SNX25: variants seen among roughly 807,000 people sequenced by gnomAD.
SNX25 encodes the protein sorting nexin-25.
Under a neutral mutation model 113.7 loss-of-function variants are expected in SNX25, and 62 were observed. The observed-to-expected ratio is 0.55, with a 90% CI of 0.44 to 0.67. The LOEUF (loss-of-function observed/expected upper bound fraction) is 0.67. Ranked by LOEUF, SNX25 falls within the 30% of genes least tolerant of loss-of-function variation. The pLI is 0.00. For missense variants in SNX25, 1,014 were observed against 1,161.0 expected, an observed-to-expected ratio of 0.87 and a Z score of 1.84; for synonymous variants, 421 against 436.2, an observed-to-expected ratio of 0.97 and a Z score of 0.43.
chr4:185,266,885 A>G, intron 4 of SNX25, 84 bp from the exon 5 acceptor site: 1 of 1,360,560 alleles, frequency 7.3e-7, no homozygotes, highest in Non-Finnish European at 1.0e-6. Flanking sequence ...TGTTTCCCAA[A>G]TGTAGTCTCA....
chr4:185,302,830 C>T (rs1753904204), intron 6 of SNX25, among the ~76,000 whole-genome samples: 1 of 152,190 alleles, frequency 6.6e-6, no homozygotes, highest in Admixed American at 6.5e-5. Context: ...CCTCCCTGCC[C>T]AGTCCTTGAA....
At chr4:185,240,565 C>T (rs549555223) in intron 1 of SNX25, among the ~76,000 whole-genome samples, 1 of 148,886 alleles carries the variant, frequency 6.7e-6, no homozygotes, top group Admixed American at 6.7e-5. Flanking sequence ...GCTGGCCGGG[C>T]AGAGGGGCTC....
At position 185,266,959 on chromosome 4, in the gene SNX25, C is replaced by G. The variant is rs770044011; in HGVS notation, c.905-10C>G. 9 of 1,605,376 alleles carry G rather than the reference C, an allele frequency of 5.6e-6. No homozygotes were observed. The highest frequency in any genetic ancestry group is 7.7e-6 in the Non-Finnish European group (9 of 1,176,066). ...CCTTTCTCAGTGGCTATTTCTTCTTCTTCCTGTAGTCTTGAAGCCGGTAGT... is the reference window on the plus strand; with the variant it reads ...CCTTTCTCAGTGGCTATTTCTTCTTGTTCCTGTAGTCTTGAAGCCGGTAGT... On this transcript the variant is annotated splice_polypyrimidine_tract_variant and intron_variant, in intron 4 of 18. Coordinates refer to ENST00000652585, the MANE Select transcript of SNX25 (RefSeq NM_001378034.2).
chr4:185,307,342 C>T (rs189079445), intron 6 of SNX25, among the ~76,000 whole-genome samples: 50 of 152,290 alleles, frequency 3.3e-4, no homozygotes, highest in Non-Finnish European at 5.3e-4. Flanking sequence ...CATATCTAAG[C>T]GAGGTATGTG....
chr4:185,278,271 T>C (rs3108270), intron 5 of SNX25, among the ~76,000 whole-genome samples: 69,313 of 151,954 alleles, frequency 0.46, 15,957 homozygotes, highest in East Asian at 0.58. Context: ...GCAAGTCAAC[T>C]TATGGCAATC....
chr4:185,234,453 C>T lies in SNX25; in HGVS notation c.430-12841C>T, dbSNP rs1742324770. 1.0e-4 allele frequency among the ~76,000 whole-genome samples: 2 copies of T among 19,142 alleles called. 1 individual carries two copies. Among genetic ancestry groups the T allele is most frequent in the Admixed American group, 1.2e-3 (2 of 1,642 alleles). The allele number at this position is 19,142 out of a possible 152,430, so 12.6% of individuals were successfully genotyped here. ...ATCCCAGCACTTTGGGAGGCCGAGG[C>T]GGGCGGATCACGAGGTCAGGAGATC... is the stretch of plus-strand genomic sequence containing the variant. On this transcript the variant is annotated intron_variant, in intron 1 of 18. Transcript: ENST00000652585.
At chr4:185,339,954 G>GTT (rs202124778) in intron 11 of SNX25, among the ~76,000 whole-genome samples, 1 of 151,658 alleles carries the variant, frequency 6.6e-6, no homozygotes, top group South Asian at 2.1e-4. Flanking sequence ...TTATTTTGCT[G>GTT]TTTTTTTTGA....
At position 185,247,459 on chromosome 4, in the gene SNX25, A is replaced by G. The variant is rs1745021606; in HGVS notation, c.514+81A>G. ...AGAGGAAAATAATAATCTCCAGCAA[A>G]TTTATTCTTCTTGTCTGCATGTAGT... is the stretch of plus-strand genomic sequence containing the variant. On this transcript the variant is annotated intron_variant, in intron 2 of 18. Coordinates refer to ENST00000652585, the MANE Select transcript of SNX25 (RefSeq NM_001378034.2). 12 of 1,087,002 alleles carry G rather than the reference A, an allele frequency of 1.1e-5. No homozygotes were observed. In the South Asian group the frequency reaches 1.4e-4, roughly 13 times the overall value. The allele number at this position is 1,087,002 out of a possible 1,614,324, so 67.3% of individuals were successfully genotyped here. A position where few individuals can be genotyped will look rare whatever the true frequency, so the allele number is the denominator to read the frequency against.
intron 15 of SNX25, among the ~76,000 whole-genome samples, chr4:185,356,983 T>C (rs534047081): frequency 6.6e-6 from 1 of 152,194 alleles, no homozygotes; most frequent in Non-Finnish European, 1.5e-5. Context: ...CCCTTCACAG[T>C]CTTTCTCACA....
intron 10 of SNX25, among the ~76,000 whole-genome samples, chr4:185,338,913 C>T (rs185552563): frequency 6.6e-6 from 1 of 152,248 alleles, no homozygotes; most frequent in Non-Finnish European, 1.5e-5. Flanking sequence ...AGTCCTCCAA[C>T]TTCGTTCTCT....
intron 1 of SNX25, among the ~76,000 whole-genome samples, chr4:185,234,402 G>GAA (rs1236117087): frequency 5.2e-5 from 1 of 19,160 alleles, no homozygotes; most frequent in African/African-American, 1.4e-4. Context: ...GTTTAGGCTG[G>GAA]CCGGGCGCGG....
intron 1 of SNX25, among the ~76,000 whole-genome samples, chr4:185,222,665 T>G (rs1740184105): frequency 6.6e-6 from 1 of 152,236 alleles, no homozygotes; most frequent in South Asian, 2.1e-4. Flanking sequence ...GAACTCCATA[T>G]GAAGGCAGAA....
upstream of SNX25, among the ~76,000 whole-genome samples, chr4:185,205,712 C>G (rs3108242): frequency 7.2e-5 from 11 of 151,966 alleles, no homozygotes; most frequent in African/African-American, 2.7e-4. Flanking sequence ...ATCTGTAATC[C>G]CAGCTACTCA....
intron 15 of SNX25, among the ~76,000 whole-genome samples, 190 bp downstream of exon 15, chr4:185,353,792 T>C (rs960076027): frequency 6.6e-6 from 1 of 152,190 alleles, no homozygotes; most frequent in African/African-American, 2.4e-5. Flanking sequence ...ACGCCTGTAA[T>C]CCCAGCACTT....
chr4:185,347,548 G>A (rs780096257), intron 13 of SNX25, among the ~76,000 whole-genome samples: 6 of 152,006 alleles, frequency 3.9e-5, no homozygotes, highest in Non-Finnish European at 7.4e-5. Context: ...TTGGCTCACC[G>A]TAACCTCTGC....
chr4:185,252,038 C>T (rs1204701789), intron 2 of SNX25, among the ~76,000 whole-genome samples: 1 of 149,896 alleles, frequency 6.7e-6, no homozygotes, highest in East Asian at 1.9e-4. Flanking sequence ...AAGTGGTTTT[C>T]AGGGAAAAGC....
At chr4:185,310,203 A>G (rs114159794) in intron 6 of SNX25, among the ~76,000 whole-genome samples, 1 of 152,194 alleles carries the variant, frequency 6.6e-6, no homozygotes, top group Non-Finnish European at 1.5e-5. Flanking sequence ...TGGATTTCTT[A>G]CTTGCTAGAC....
Position 185,358,484 on chromosome 4 carries a change from T to A in SNX25, c.2651+747T>A, listed in dbSNP as rs542101858. On this transcript the variant is annotated intron_variant, in intron 16 of 18. Coordinates refer to ENST00000652585, the MANE Select transcript of SNX25 (RefSeq NM_001378034.2). ...TCTAAGAAATTATTGGAATTTTTCATAACTGCAAAGTCATGTAGCCAATAG... is the reference window on the plus strand; with the variant it reads ...TCTAAGAAATTATTGGAATTTTTCAAAACTGCAAAGTCATGTAGCCAATAG... Among the ~76,000 whole-genome samples the A allele has an allele frequency of 4.6e-5, 7 of 152,360 alleles. No homozygotes were observed. The East Asian group carries it at 1.2e-3, about 25-fold the overall frequency.
intron 7 of SNX25, among the ~76,000 whole-genome samples, chr4:185,313,045 C>T (rs1375859553): frequency 6.6e-6 from 1 of 152,146 alleles, no homozygotes; most frequent in Non-Finnish European, 1.5e-5. Context: ...TTGCTATGAC[C>T]TAATCATATG....
Sources: allele counts gnomAD v4.1 joint callset (sites outside exome capture counted in the v4.1 genomes callset), GRCh38; gene constraint gnomAD v4.1.1; transcripts MANE v1.5; gene names NCBI Gene and HGNC (gene_info 2026-07-23, HGNC 2026-07-21).